Variants in FRAS1 observed in about 807,000 individuals in gnomAD.
FRAS1 encodes extracellular matrix organizing protein FRAS1.
FRAS1 carries 290 observed loss-of-function variants against 435.2 expected under a neutral mutation model. The observed-to-expected ratio is 0.67, with a 90% confidence interval of 0.61 to 0.73. The LOEUF is 0.73. FRAS1 is among the 30% of genes least tolerant of loss of function. The pLI is 0.00. For synonymous variants in FRAS1, 1,800 were observed against 1,851.0 expected (o/e 0.97, Z 0.71); for missense variants, 4,860 against 5,001.5 (o/e 0.97, Z 0.85).
At chr4:78,076,574 A>T (rs1030169351) in intron 2 of FRAS1, among the ~76,000 whole-genome samples, 1 of 152,174 alleles carries the variant, frequency 6.6e-6, no homozygotes, top group Non-Finnish European at 1.5e-5. Context: ...ACAGAACTAT[A>T]TTATTGTTTG....
intron 2 of FRAS1, among the ~76,000 whole-genome samples, chr4:78,137,446 C>T (rs1719970890): frequency 6.6e-6 from 1 of 152,248 alleles, no homozygotes; most frequent in South Asian, 2.1e-4. Context: ...GATTGTATCA[C>T]TTTTCTGTTG....
chr4:78,097,257 G>C (rs1432780900), intron 2 of FRAS1, among the ~76,000 whole-genome samples: 1 of 152,068 alleles, frequency 6.6e-6, no homozygotes, highest in Non-Finnish European at 1.5e-5. Flanking sequence ...TCAGCATTTT[G>C]GTCAAAACCA....
Position 78,481,854 on chromosome 4 carries a change from G to T in FRAS1, c.8494G>T (p.Ala2832Ser). 1 of 1,613,784 alleles carries T rather than the reference G, an allele frequency of 6.2e-7. No individual in the cohort carries two copies. The highest frequency in any genetic ancestry group is 1.3e-5 in the African/African-American group (1 of 74,988). ...CCATGGTACTGACCTCTCTACTTTCGCATCTGTCTGGTGTGCAACGCGGCC... is the reference window on the plus strand; with the variant it reads ...CCATGGTACTGACCTCTCTACTTTCTCATCTGTCTGGTGTGCAACGCGGCC... ...IRHGTDLSTF[A>S]SVWCATRPSD... Residue 2832 changes from alanine (A) to serine (S), a missense_variant, in exon 57 of 74, where the codon GCA becomes TCA. By Grantham distance (99) the Ala-to-Ser change is moderately conservative. Coordinates refer to ENST00000512123, the MANE Select transcript of FRAS1 (RefSeq NM_025074.7).
chr4:78,448,875 T>G (rs1163033105), intron 44 of FRAS1, among the ~76,000 whole-genome samples: 1 of 152,190 alleles, frequency 6.6e-6, no homozygotes. Flanking sequence ...TCTTGAACAG[T>G]TTGCAGTAGG....
chr4:78,251,009 C>T (rs1725506465), intron 4 of FRAS1, among the ~76,000 whole-genome samples: 1 of 151,818 alleles, frequency 6.6e-6, no homozygotes, highest in Non-Finnish European at 1.5e-5. Context: ...ATCAGTTTGT[C>T]CTTTGCCTTT....
At chr4:78,323,671 T>C (rs7676910) in intron 18 of FRAS1, among the ~76,000 whole-genome samples, 4,101 of 151,984 alleles carry the variant, frequency 0.027, 195 homozygotes, top group African/African-American at 0.093. Context: ...CCTCCCGGAG[T>C]CACTAGTGAC....
chr4:78,124,906 T>C, intron 2 of FRAS1, among the ~76,000 whole-genome samples: 1 of 152,174 alleles, frequency 6.6e-6, no homozygotes, highest in African/African-American at 2.4e-5. Flanking sequence ...TTGCTAGTGG[T>C]CTATTTATTA....
intron 2 of FRAS1, among the ~76,000 whole-genome samples, chr4:78,229,134 T>C (rs1343327318): frequency 1.3e-5 from 2 of 152,192 alleles, no homozygotes; most frequent in Non-Finnish European, 2.9e-5. Context: ...GGTTGAAATA[T>C]AGGCATTAAT....
chr4:78,140,389 G>T (rs898534540), intron 2 of FRAS1, among the ~76,000 whole-genome samples: 3 of 151,834 alleles, frequency 2.0e-5, no homozygotes, highest in Non-Finnish European at 4.4e-5. Flanking sequence ...TTTTATTTTA[G>T]ATCTCTAGTT....
intron 23 of FRAS1, among the ~76,000 whole-genome samples, chr4:78,371,885 C>G (rs374970392): frequency 6.6e-5 from 10 of 152,210 alleles, no homozygotes; most frequent in East Asian, 5.8e-4. Context: ...TCCTGTGCCC[C>G]AACCCAACCC....
intron 14 of FRAS1, among the ~76,000 whole-genome samples, chr4:78,289,682 C>G (rs1162992854): frequency 2.0e-5 from 3 of 152,176 alleles, no homozygotes; most frequent in African/African-American, 7.2e-5. Context: ...CTTCTTGACT[C>G]TGCAGTCCTA....
At position 78,496,786 on chromosome 4, in the gene FRAS1, C is replaced by G. The variant is rs1254371512; in HGVS notation, c.8959-19C>G. On this transcript the variant is annotated intron_variant, in intron 59 of 73. Transcript: ENST00000512123. ...TATCTTGCTGAAAATTTTAATCTGTCTTGTGCCATTGGCTCTAGGTGAAGA... is the reference window on the plus strand; with the variant it reads ...TATCTTGCTGAAAATTTTAATCTGTGTTGTGCCATTGGCTCTAGGTGAAGA... 3 of 1,605,076 alleles carry G rather than the reference C, an allele frequency of 1.9e-6. No homozygotes were observed. The highest frequency in any genetic ancestry group is 1.7e-6 in the Non-Finnish European group (2 of 1,176,596).
At chr4:78,113,516 C>A (rs1247849378) in intron 2 of FRAS1, among the ~76,000 whole-genome samples, 1 of 152,126 alleles carries the variant, frequency 6.6e-6, no homozygotes, top group African/African-American at 2.4e-5. Context: ...TAATGATCGC[C>A]ATTCTAACTG....
chr4:78,523,810 A>G (rs2109896417), intron 69 of FRAS1, among the ~76,000 whole-genome samples: 1 of 152,214 alleles, frequency 6.6e-6, no homozygotes, highest in Non-Finnish European at 1.5e-5. Flanking sequence ...TGACATCTTC[A>G]TTGCCACTTG....
At chr4:78,444,139 G>A (rs1213408088) in intron 41 of FRAS1, 1 of 454,968 alleles carries the variant, frequency 2.2e-6, no homozygotes, top group Non-Finnish European at 4.4e-6. Context: ...ACAGGCATGA[G>A]CCACCATGCC....
intron 2 of FRAS1, among the ~76,000 whole-genome samples, chr4:78,171,615 T>A (rs894192986): frequency 1.3e-5 from 2 of 152,112 alleles, no homozygotes; most frequent in African/African-American, 4.8e-5. Flanking sequence ...GTAGCTTCTC[T>A]TACCACTCTT....
At position 78,537,151 on chromosome 4, in the gene FRAS1, A is replaced by G. The variant is rs760524497; in HGVS notation, c.11249A>G (p.Tyr3750Cys). 9.9e-6 allele frequency: 16 copies of G among 1,614,018 alleles called. No individual in the cohort carries two copies. The highest frequency in any genetic ancestry group is 1.4e-5 in the Non-Finnish European group (16 of 1,179,894). ...TGTIYNEGPQ[Y>C]GCIQPNKHLK... ...ACAATCTACAATGAAGGGCCCCAGT[A>G]TGGATGCATTCAGCCAAACAAACAC... Residue 3750 changes from tyrosine to cysteine, a missense_variant, in exon 72 of 74, where the codon TAT (tyrosine) becomes TGT (cysteine). Transcript: ENST00000512123.
At chr4:78,521,492 C>G in intron 67 of FRAS1, 31 bp from the exon 68 acceptor site, 1 of 1,537,370 alleles carries the variant, frequency 6.5e-7, no homozygotes, top group Admixed American at 1.7e-5. Context: ...TTTTCCATGC[C>G]CTAGCATTTT....
At chr4:78,205,965 A>T (rs548256383) in intron 2 of FRAS1, among the ~76,000 whole-genome samples, 12 of 152,236 alleles carry the variant, frequency 7.9e-5, no homozygotes, top group African/African-American at 2.9e-4. Context: ...TGTATGCAGA[A>T]TTCTAAAGGC....
Sources: allele counts gnomAD v4.1 joint callset (sites outside exome capture counted in the v4.1 genomes callset), GRCh38; gene constraint gnomAD v4.1.1; transcripts MANE v1.5; gene names NCBI Gene and HGNC (gene_info 2026-07-23, HGNC 2026-07-21).